The following SDK2 variants were observed in gnomAD, a reference collection of about 807,000 sequenced individuals.
SDK2 encodes the protein sidekick cell adhesion molecule 2.
Under a neutral mutation model 253.9 loss-of-function variants are expected in SDK2, and 105 were observed. That is an observed-to-expected ratio of 0.41 (90% CI 0.35 to 0.49). The LOEUF is 0.49. Among genes scored for constraint, SDK2 ranks in the 20% least tolerant of loss-of-function variants. The probability of loss-of-function intolerance (pLI) is 0.06; values close to 1 mark genes in which losing one functional copy is unlikely to be tolerated. For synonymous variants in SDK2, 1,249 were observed against 1,234.9 expected (o/e 1.01, Z -0.24); for missense variants, 2,608 against 3,003.0 (o/e 0.87, Z 3.07).
intron 2 of SDK2, among the ~76,000 whole-genome samples, chr17:73,492,333 G>C (rs2063811324): frequency 6.6e-6 from 1 of 152,144 alleles, no homozygotes; most frequent in Non-Finnish European, 1.5e-5. Context: ...CTGCAGGCAG[G>C]ACCTCACTGT....
In SDK2 at chr17:73,402,079, A is replaced by G. The variant is rs746273973; in HGVS notation, c.2547T>C (p.Phe849=). 3.7e-6 allele frequency: 6 copies of G among 1,613,908 alleles called. No homozygotes were observed. In the Admixed American group the frequency reaches 1.0e-4, roughly 27 times the overall value. ...CGAAGCCCACGTGGATGCTGTCTTG[A>G]AAGTTAGGCCGGGCGGTCACCATGG... ...EVTMVTARPN[F]QDSIHVGFVS... Residue 849 remains phenylalanine, a synonymous_variant, in exon 19 of 45, where the codon TTT becomes TTC. Coordinates refer to ENST00000392650, the MANE Select transcript of SDK2 (RefSeq NM_001144952.2).
Position 73,335,571 on chromosome 17 carries a change from GT to G in SDK2, c.*3015del, listed in dbSNP as rs2062371506. 1 of 152,290 alleles carries G rather than the reference GT, an allele frequency of 6.6e-6. No individual in the cohort carries two copies. Among genetic ancestry groups the G allele is most frequent in the Non-Finnish European group, 1.5e-5 (1 of 68,082 alleles). The allele number at this position is 152,290 out of a possible 1,614,324, so 9.4% of individuals were successfully genotyped here. A position where few individuals can be genotyped will look rare whatever the true frequency, so the allele number is the denominator to read the frequency against. ...GAGACGTGTCCTGAAAAAATCTAGA[GT>G]TCCACAGCTGCAGGCCTGGGCTTCC... On this transcript the variant is annotated 3_prime_UTR_variant, in exon 45 of 45. Transcript: ENST00000392650.
chr17:73,404,948 C>T (rs1256583101), intron 18 of SDK2, among the ~76,000 whole-genome samples: 1 of 151,838 alleles, frequency 6.6e-6, no homozygotes, highest in African/African-American at 2.4e-5. Flanking sequence ...GAACCTGAAC[C>T]CAGCTCTGTC....
Position 73,385,876 on chromosome 17 carries a change from T to C in SDK2, c.4540A>G (p.Thr1514Ala), listed in dbSNP as rs533153750. 6.2e-7 allele frequency: 1 copy of C among 1,608,800 alleles called. No individual in the cohort carries two copies. Among genetic ancestry groups the C allele is most frequent in the African/African-American group, 1.3e-5 (1 of 74,890 alleles). ...CATCGGATTAGCACGGAGGTGGTGG[T>C]GTGGGGCGTCACGGAGAGGATGGTG... ...APTILSVTPH[T>A]TTSVLIRWQP... The change falls in exon 32 of 45, where the codon ACC becomes GCC. Residue 1514 changes from threonine to alanine, a missense_variant. Coordinates refer to ENST00000392650, the MANE Select transcript of SDK2 (RefSeq NM_001144952.2).
Position 73,447,872 on chromosome 17 carries a change from C to T in SDK2, c.480-124G>A. On this transcript the variant is annotated intron_variant, in intron 4 of 44. Transcript: ENST00000392650. This position sits in a 1 kb window ranked among gnomAD's most constrained non-coding sequence, Gnocchi z 4.0. ...TCCCAGTCCCCAGCCTCCCAGGGCC[C>T]CTCCTGCCACCCCCTCCCCAACCTC... 2 of 1,093,562 alleles carry T rather than the reference C, an allele frequency of 1.8e-6. No homozygotes were observed. Among genetic ancestry groups the T allele is most frequent in the South Asian group, 3.1e-5 (2 of 64,860 alleles). 67.7% of individuals were successfully genotyped at this position (1,093,562 alleles called of 1,614,324 possible).
chr17:73,511,663 G>A lies in SDK2; in HGVS notation c.65-4066C>T, dbSNP rs1389989693. On this transcript the variant is annotated intron_variant, in intron 1 of 44. Transcript: ENST00000392650. The surrounding 1 kb of genome is among the most constrained non-coding windows in gnomAD (Gnocchi z 4.9). The stretch of plus-strand genomic sequence containing the variant: ...AGGTTCCTCTCCCCAAGCTCCTGCG[G>A]TGAAGTCACCCCCTCCCGAAAGTCA... 6.6e-6 allele frequency among the ~76,000 whole-genome samples: 1 copy of A among 152,162 alleles called. No homozygotes were observed. Among genetic ancestry groups the A allele is most frequent in the Non-Finnish European group, 1.5e-5 (1 of 68,026 alleles).
At chr17:73,498,668 G>A (rs1051554550) in intron 2 of SDK2, among the ~76,000 whole-genome samples, 8 of 152,328 alleles carry the variant, frequency 5.3e-5, no homozygotes, top group Non-Finnish European at 8.8e-5. Context: ...GTATCAAGAC[G>A]CCTCTCCTTA....
intron 1 of SDK2, among the ~76,000 whole-genome samples, chr17:73,552,995 C>A (rs1399005564): frequency 1.3e-5 from 2 of 152,230 alleles, no homozygotes; most frequent in Non-Finnish European, 2.9e-5. Context: ...CACCCTAATC[C>A]CAACCCTTTG....
chr17:73,644,091 T>C lies in SDK2; in HGVS notation c.-3A>G. The stretch of plus-strand genomic sequence containing the variant: ...GTCCAGATCAAAAGCCCCCACATGG[T>C]GACCAGCCTGGAGAGGGGTCCTCGG... On this transcript the variant is annotated 5_prime_UTR_variant, in exon 1 of 45. Coordinates refer to ENST00000392650, the MANE Select transcript of SDK2 (RefSeq NM_001144952.2). The surrounding 1 kb of genome is among the most constrained non-coding windows in gnomAD (Gnocchi z 6.3). The C allele has an allele frequency of 3.2e-6, 5 of 1,550,720 alleles. No homozygotes were observed. The highest frequency in any genetic ancestry group is 4.4e-6 in the Non-Finnish European group (5 of 1,146,502).
intron 18 of SDK2, among the ~76,000 whole-genome samples, chr17:73,406,159 C>T (rs185177333): frequency 4.6e-5 from 7 of 151,976 alleles, no homozygotes; most frequent in Admixed American, 4.6e-4. Flanking sequence ...AATATAGATG[C>T]ATTTTTGTCT....
At chr17:73,428,127 AAAC>A (rs1427224236) in intron 12 of SDK2, among the ~76,000 whole-genome samples, 1 of 152,200 alleles carries the variant, frequency 6.6e-6, no homozygotes, top group Non-Finnish European at 1.5e-5. Flanking sequence ...ATGCAAATTA[AAAC>A]AACAACGAGA....
At position 73,387,140 on chromosome 17, in the gene SDK2, A is replaced by G. The variant is rs1271126941; in HGVS notation, c.4395-592T>C. On this transcript the variant is annotated intron_variant, in intron 30 of 44. Transcript: ENST00000392650. ...CACACCTGGCTAATTTTTGTATTTT[A>G]GTAGAGACAGGTTTTCACCATGTTG... Among the ~76,000 whole-genome samples, 3 of 152,156 alleles carry G rather than the reference A, an allele frequency of 2.0e-5. No individual in the cohort carries two copies. The East Asian group carries it at 5.8e-4, about 29-fold the overall frequency.
Position 73,426,532 on chromosome 17 carries a change from G to C in SDK2, c.1584-2440C>G, listed in dbSNP as rs1312076605. Among the ~76,000 whole-genome samples, 4 of 151,976 alleles carry C rather than the reference G, an allele frequency of 2.6e-5. No individual in the cohort carries two copies. In the East Asian group the frequency reaches 7.7e-4, roughly 29 times the overall value. On this transcript the variant is annotated intron_variant, in intron 12 of 44. Transcript: ENST00000392650. The stretch of plus-strand genomic sequence containing the variant: ...TGTTGGACATCCAGTTTAGCTCCTT[G>C]GTTTCTAATATTATAGTTAAAGCTG...
chr17:73,506,351 A>G (rs1225546480), intron 2 of SDK2, among the ~76,000 whole-genome samples: 2 of 152,060 alleles, frequency 1.3e-5, no homozygotes, highest in African/African-American at 4.8e-5. Flanking sequence ...TTGCTCATCC[A>G]GCTCTCCCCT....
At chr17:73,440,971 C>A (rs1435818274) in intron 5 of SDK2, 48 bp from the exon 6 acceptor site, 3 of 1,360,132 alleles carry the variant, frequency 2.2e-6, no homozygotes, top group Non-Finnish European at 3.1e-6. Flanking sequence ...GAAATCCTAT[C>A]CCTGCCCAGC....
chr17:73,431,042 G>A lies in SDK2; in HGVS notation c.1481-429C>T, dbSNP rs1335036093. ...TACAGGCTGGGGGCCAAATCCGGCA[G>A]GTGGCCTTTTTGGCTAAATAAACCC... On this transcript the variant is annotated intron_variant, in intron 11 of 44. Transcript: ENST00000392650. The surrounding 1 kb of genome is among the most constrained non-coding windows in gnomAD (Gnocchi z 5.6). 6.6e-6 allele frequency among the ~76,000 whole-genome samples: 1 copy of A among 152,210 alleles called. No individual in the cohort carries two copies. Among genetic ancestry groups the A allele is most frequent in the Non-Finnish European group, 1.5e-5 (1 of 68,050 alleles).
chr17:73,477,149 G>C (rs1048532101), intron 2 of SDK2, among the ~76,000 whole-genome samples: 2 of 152,198 alleles, frequency 1.3e-5, no homozygotes, highest in African/African-American at 4.8e-5. Flanking sequence ...TGTGAGTCCA[G>C]CGCACTGTAA....
intron 37 of SDK2, 120 bp downstream of exon 37, chr17:73,368,287 A>T: frequency 1.1e-6 from 1 of 918,422 alleles, no homozygotes; most frequent in Non-Finnish European, 1.5e-6. Flanking sequence ...CCACGACCAG[A>T]TCCTCAGGCG....
chr17:73,582,947 A>T (rs790084), intron 1 of SDK2, among the ~76,000 whole-genome samples: 63,994 of 151,812 alleles, frequency 0.42, 14,394 homozygotes, highest in African/African-American at 0.59. Flanking sequence ...TTCCTTTACA[A>T]CCCTCTAACG....
Sources: gnomAD v4.1 joint callset for allele counts (sites outside exome capture counted in the v4.1 genomes callset) on GRCh38, gnomAD v4.1.1 for gene constraint, Gnocchi (gnomAD v3.1) non-coding constraint, MANE v1.5 for transcripts, NCBI Gene and HGNC (gene_info 2026-07-23, HGNC 2026-07-21) for gene names.